The following ATF7 variants were observed in gnomAD, a reference collection of about 807,000 sequenced individuals.
ATF7 encodes the protein cyclic AMP-dependent transcription factor ATF-7.
In ATF7, 10 loss-of-function variants were observed where a neutral mutation model predicts 50.4. The observed-to-expected ratio is 0.20, with a 90% CI of 0.12 to 0.34. The LOEUF (loss-of-function observed/expected upper bound fraction) is 0.34. ATF7 is among the 10% of genes least tolerant of loss of function. The pLI, the probability that ATF7 is intolerant of heterozygous loss-of-function variation, is 1.00. For synonymous variants in ATF7, 201 were observed against 226.4 expected, an observed-to-expected ratio of 0.89 and a Z score of 1.01; for missense variants, 465 against 613.9, an observed-to-expected ratio of 0.76 and a Z score of 2.56.
chr12:53,537,440 G>C lies in ATF7; in HGVS notation c.377C>G (p.Pro126Arg). 1.2e-6 allele frequency: 2 copies of C among 1,613,754 alleles called. No homozygotes were observed. Among genetic ancestry groups the C allele is most frequent in the Non-Finnish European group, 1.7e-6 (2 of 1,179,820 alleles). ...CTTCTCCTTCAGTGGTGGGGAACAG[G>C]GACTAGAGGCAGGGCTATCAGGTGG... ...SSPPDSPASS[P>R]CSPPLKEKEV... Residue 126 changes from proline to arginine, a missense_variant, in exon 5 of 12, where the codon CCC (proline) becomes CGC (arginine). Pro to Arg is a moderately radical substitution (Grantham distance 103). Coordinates refer to ENST00000420353, the MANE Select transcript of ATF7 (RefSeq NM_006856.3).
intron 5 of ATF7, among the ~76,000 whole-genome samples, chr12:53,535,649 A>C (rs1452585452): frequency 6.6e-6 from 1 of 152,202 alleles, no homozygotes; most frequent in East Asian, 1.9e-4. Context: ...TATTTCAATA[A>C]ATGTATTAAA....
At chr12:53,532,844 A>C (rs1042167436) in intron 7 of ATF7, among the ~76,000 whole-genome samples, 16 of 152,108 alleles carry the variant, frequency 1.1e-4, no homozygotes, top group Non-Finnish European at 8.8e-5. Context: ...TTTCTGTGGG[A>C]AGGGTTGGGG....
At chr12:53,614,860 C>T (rs919740603) in intron 1 of ATF7, among the ~76,000 whole-genome samples, 2 of 152,142 alleles carry the variant, frequency 1.3e-5, no homozygotes, top group Non-Finnish European at 2.9e-5. Context: ...GCAGGCGGAT[C>T]GCCTGAGGTC....
chr12:53,582,209 A>C (rs1040942832), intron 2 of ATF7, among the ~76,000 whole-genome samples: 1 of 151,548 alleles, frequency 6.6e-6, no homozygotes, highest in African/African-American at 2.4e-5. Flanking sequence ...CGCGCCTGTA[A>C]TCCCAGCTAC....
At chr12:53,526,869 A>G (rs1462528696) in intron 9 of ATF7, among the ~76,000 whole-genome samples, 3 of 147,418 alleles carry the variant, frequency 2.0e-5, no homozygotes, top group Non-Finnish European at 4.5e-5. Context: ...TAAAAAATAA[A>G]AAAGTTGGGC....
intron 1 of ATF7, among the ~76,000 whole-genome samples, chr12:53,620,492 C>T (rs1352587239): frequency 1.4e-5 from 2 of 144,056 alleles, no homozygotes; most frequent in Non-Finnish European, 3.0e-5. Context: ...AGGAGAATGG[C>T]GTGAACCCGG....
intron 9 of ATF7, among the ~76,000 whole-genome samples, chr12:53,527,928 A>T (rs1938576032): frequency 6.6e-6 from 1 of 151,536 alleles, no homozygotes; most frequent in African/African-American, 2.4e-5. Context: ...TGTAACCTCC[A>T]CCTCCCAGGT....
At chr12:53,532,433 T>G in intron 8 of ATF7, 77 bp downstream of exon 8, 1 of 1,207,226 alleles carries the variant, frequency 8.3e-7, no homozygotes, top group Non-Finnish European at 1.2e-6. Context: ...TTTGCTTGGC[T>G]CACTTGAAAG....
chr12:53,540,069 G>A (rs1349873275), intron 4 of ATF7, among the ~76,000 whole-genome samples: 2 of 151,242 alleles, frequency 1.3e-5, no homozygotes, highest in Admixed American at 6.6e-5. Flanking sequence ...AAAAAAATAC[G>A]AGGCCAGGCA....
Position 53,570,736 on chromosome 12 carries a change from CGTGTGTGTGTGTGT to C in ATF7, c.49-18113_49-18100del, listed in dbSNP as rs57842916. Among the ~76,000 whole-genome samples the C allele has an allele frequency of 6.7e-4, 96 of 143,576 alleles. 3 individuals carry two copies. The highest frequency in any genetic ancestry group is 2.7e-4 in the Non-Finnish European group (18 of 65,556). 94.2% of individuals were successfully genotyped at this position (143,576 alleles called of 152,430 possible). ...CCTTCACATAGTGTTCTCCTGTGTG[CGTGTGTGTGTGTGT>C]GTGTGTGTGTGTGTGTGTGTGTGTG... On this transcript the variant is annotated intron_variant, in intron 2 of 11. Transcript: ENST00000420353.
rs1377984268 is a variant in ATF7, at chr12:53,516,245, A to G, written c.*892T>C. The stretch of plus-strand genomic sequence containing the variant: ...TGTTCCTGTCTGCCCTGATGGTTAA[A>G]CTAAAGAAGGAGGGAGGGGAGGAGA... On this transcript the variant is annotated 3_prime_UTR_variant, in exon 12 of 12. Transcript: ENST00000420353. The G allele has an allele frequency of 6.6e-6, 1 of 152,218 alleles. No homozygotes were observed. The highest frequency in any genetic ancestry group is 1.5e-5 in the Non-Finnish European group (1 of 68,034). The allele number at this position is 152,218 out of a possible 1,614,324, so 9.4% of individuals were successfully genotyped here.
In ATF7 at chr12:53,538,066, G is replaced by A. The variant is rs183259049; in HGVS notation, c.265-514C>T. ...ACAATTCTGGCCAAATCATTTTGTC[G>A]GTAATTCTCAGGGCTTCTGTTTCCC... On this transcript the variant is annotated intron_variant, in intron 4 of 11. Coordinates refer to ENST00000420353, the MANE Select transcript of ATF7 (RefSeq NM_006856.3). 4.2e-4 allele frequency among the ~76,000 whole-genome samples: 64 copies of A among 152,092 alleles called. 1 individual carries two copies. Among genetic ancestry groups the A allele is most frequent in the African/African-American group, 1.4e-3 (60 of 41,482 alleles).
chr12:53,599,092 C>CA (rs1943279263), intron 2 of ATF7, among the ~76,000 whole-genome samples: 1 of 152,132 alleles, frequency 6.6e-6, no homozygotes, highest in African/African-American at 2.4e-5. Context: ...AGTGCAGTGG[C>CA]ATGATCATGG....
chr12:53,561,581 G>A (rs918704211), intron 2 of ATF7, among the ~76,000 whole-genome samples: 1 of 152,114 alleles, frequency 6.6e-6, no homozygotes, highest in African/African-American at 2.4e-5. Context: ...ATTTAAGTTT[G>A]GGAAAGCAGG....
intron 8 of ATF7, among the ~76,000 whole-genome samples, chr12:53,532,132 T>C (rs2137378741): frequency 6.6e-6 from 1 of 152,248 alleles, no homozygotes; most frequent in East Asian, 1.9e-4. Flanking sequence ...CTGGGGGTTG[T>C]TAAAGCAATA....
chr12:53,605,970 T>C (rs1943584784), intron 1 of ATF7, among the ~76,000 whole-genome samples: 2 of 152,252 alleles, frequency 1.3e-5, no homozygotes, highest in African/African-American at 2.4e-5. Context: ...CAGGTATTTA[T>C]GTATTTAAGG....
intron 4 of ATF7, chr12:53,543,019 A>G: frequency 8.1e-7 from 1 of 1,230,778 alleles, no homozygotes; most frequent in African/African-American, 1.6e-5. Context: ...GTAATTTATC[A>G]CCTTTTAACA....
At chr12:53,606,961 G>A (rs1472456873) in intron 1 of ATF7, among the ~76,000 whole-genome samples, 6 of 151,884 alleles carry the variant, frequency 4.0e-5, no homozygotes, top group East Asian at 1.9e-4. Flanking sequence ...CCAGTCTATC[G>A]TTGATGGACA....
chr12:53,609,114 A>T (rs1347385578), intron 1 of ATF7, among the ~76,000 whole-genome samples: 1 of 151,664 alleles, frequency 6.6e-6, no homozygotes, highest in South Asian at 2.1e-4. Context: ...AGACCAGTCT[A>T]GCCAACAAAG....
Sources: allele counts gnomAD v4.1 joint callset (sites outside exome capture counted in the v4.1 genomes callset), GRCh38; gene constraint gnomAD v4.1.1; transcripts MANE v1.5; gene names NCBI Gene and HGNC (gene_info 2026-07-23, HGNC 2026-07-21).